The following PCBP3 variants were observed in gnomAD, a reference collection of about 807,000 sequenced individuals.
PCBP3 encodes the protein poly(rC) binding protein 3.
PCBP3 carries 25 observed loss-of-function variants against 52.7 expected under a neutral mutation model. That is an observed-to-expected ratio of 0.47 (90% CI 0.35 to 0.66). The LOEUF is 0.66. Among genes scored for constraint, PCBP3 ranks in the 30% least tolerant of loss-of-function variants. The pLI, the probability that PCBP3 is intolerant of heterozygous loss-of-function variation, is 0.01. For missense variants in PCBP3, 391 were observed against 490.3 expected, an observed-to-expected ratio of 0.80 and a Z score of 1.91; for synonymous variants, 162 against 183.0, an observed-to-expected ratio of 0.89 and a Z score of 0.93.
rs1215455877 is a variant in PCBP3, at chr21:45,735,787, C to T, written c.-162+358C>T. Among the ~76,000 whole-genome samples the T allele has an allele frequency of 6.6e-6, 1 of 152,192 alleles. No homozygotes were observed. The highest frequency in any genetic ancestry group is 2.4e-5 in the African/African-American group (1 of 41,466). On this transcript the variant is annotated intron_variant, in intron 3 of 17. Coordinates refer to ENST00000681687, the MANE Select transcript of PCBP3 (RefSeq NM_001384156.1). The surrounding 1 kb of genome is among the most constrained non-coding windows in gnomAD (Gnocchi z 4.0). The stretch of plus-strand genomic sequence containing the variant: ...GAGCCTACTGCACGAGCCTACCGCA[C>T]AAGCCTACCGCACGCCTTTGTTCTT...
At chr21:45,826,697 CCTGGGT>C (rs1479977794) in intron 4 of PCBP3, among the ~76,000 whole-genome samples, 1 of 152,174 alleles carries the variant, frequency 6.6e-6, no homozygotes. Context: ...TGGTGAGTTC[CCTGGGT>C]CATTTGTTCC....
rs529646662 is a variant in PCBP3, at chr21:45,657,947, T to G, written c.-278-10927T>G. 9.4e-4 allele frequency among the ~76,000 whole-genome samples: 143 copies of G among 152,352 alleles called. 2 individuals carry two copies. The highest frequency in any genetic ancestry group is 3.4e-3 in the Middle Eastern group (1 of 294). ...CCTGGTTATAAGCTTTAACACAATG[T>G]TTAATTGTTGTGGCAAGGGTGGACA... is the stretch of plus-strand genomic sequence containing the variant. On this transcript the variant is annotated intron_variant, in intron 1 of 17. Coordinates refer to ENST00000681687, the MANE Select transcript of PCBP3 (RefSeq NM_001384156.1).
At chr21:45,871,021 G>T (rs968050498) in intron 5 of PCBP3, 4 of 169,846 alleles carry the variant, frequency 2.4e-5, no homozygotes, top group South Asian at 1.2e-4. Context: ...CCCAGCACCC[G>T]CTGGGGAAGG....
chr21:45,843,801 G>A (rs906915451), intron 4 of PCBP3, among the ~76,000 whole-genome samples: 3 of 152,086 alleles, frequency 2.0e-5, no homozygotes, highest in Non-Finnish European at 4.4e-5. Context: ...TTTTTGTTTT[G>A]TTCTCTGAGA....
intron 1 of PCBP3, among the ~76,000 whole-genome samples, chr21:45,648,159 G>A (rs2146750068): frequency 1.3e-5 from 2 of 152,304 alleles, no homozygotes; most frequent in African/African-American, 4.8e-5. Context: ...TGTCTGACTT[G>A]TGACCTCCAA....
At chr21:45,876,266 C>A (rs561235135) in intron 5 of PCBP3, among the ~76,000 whole-genome samples, 1 of 152,192 alleles carries the variant, frequency 6.6e-6, no homozygotes, top group South Asian at 2.1e-4. Context: ...AGAGATATTA[C>A]GAATCCCGAA....
At chr21:45,854,385 C>A in intron 5 of PCBP3, among the ~76,000 whole-genome samples, 1 of 152,180 alleles carries the variant, frequency 6.6e-6, no homozygotes, top group South Asian at 2.1e-4. Context: ...ACTTTCTCAA[C>A]TTTTTGAACT....
intron 13 of PCBP3, among the ~76,000 whole-genome samples, chr21:45,923,613 G>C (rs1402055064): frequency 6.6e-6 from 1 of 152,228 alleles, no homozygotes; most frequent in Non-Finnish European, 1.5e-5. Flanking sequence ...CACTAGTCAG[G>C]AGGCCTGAGA....
chr21:45,899,399 G>T (rs1391621806), intron 6 of PCBP3, among the ~76,000 whole-genome samples, 200 bp from the exon 7 acceptor site: 1 of 152,200 alleles, frequency 6.6e-6, no homozygotes, highest in Admixed American at 6.5e-5. Flanking sequence ...CCGGCTCAGG[G>T]CCTCTGTATG....
At chr21:45,812,320 T>A (rs1330585256) in intron 4 of PCBP3, among the ~76,000 whole-genome samples, 1 of 152,246 alleles carries the variant, frequency 6.6e-6, no homozygotes, top group African/African-American at 2.4e-5. Flanking sequence ...TACTGTTTTC[T>A]GTTTTTGACA....
rs79307083 is a variant in PCBP3, at chr21:45,866,082, A to G, written c.10+15987A>G. Among the ~76,000 whole-genome samples the G allele has an allele frequency of 2.7e-3, 411 of 152,348 alleles. 2 individuals carry two copies. Among genetic ancestry groups the G allele is most frequent in the African/African-American group, 7.1e-3 (296 of 41,580 alleles). On this transcript the variant is annotated intron_variant, in intron 5 of 17. Transcript: ENST00000681687. ...TCCAAGCATGGGCTGCGGTGTTTCAATGAAATAGGACAAGTCAGTGGCTCT... is the reference window on the plus strand; with the variant it reads ...TCCAAGCATGGGCTGCGGTGTTTCAGTGAAATAGGACAAGTCAGTGGCTCT...
intron 1 of PCBP3, among the ~76,000 whole-genome samples, chr21:45,665,528 A>C (rs2080740393): frequency 6.6e-6 from 1 of 152,222 alleles, no homozygotes; most frequent in Non-Finnish European, 1.5e-5. Context: ...TAGGTACAAG[A>C]TCATATCCAA....
At position 45,846,069 on chromosome 21, in the gene PCBP3, G is replaced by C. The variant is rs993513511; in HGVS notation, c.-125-3892G>C. Among the ~76,000 whole-genome samples, 16 of 152,180 alleles carry C rather than the reference G, an allele frequency of 1.1e-4. 1 individual carries two copies. Among genetic ancestry groups the C allele is most frequent in the African/African-American group, 3.4e-4 (14 of 41,436 alleles). On this transcript the variant is annotated intron_variant, in intron 4 of 17. Transcript: ENST00000681687. ...TCTCGTTTGTATCCAGCTCCATCAG[G>C]GGCCTGCTCTCAGGCTCCCCTGGGC...
intron 1 of PCBP3, among the ~76,000 whole-genome samples, chr21:45,660,607 G>A (rs2080325857): frequency 6.6e-6 from 1 of 151,822 alleles, no homozygotes; most frequent in Non-Finnish European, 1.5e-5. Context: ...TTTTCTTAGG[G>A]GTTACTTGGG....
At chr21:45,669,815 A>G (rs1295604361) in intron 2 of PCBP3, among the ~76,000 whole-genome samples, 2,990 of 93,384 alleles carry the variant, frequency 0.032, 30 homozygotes, top group South Asian at 0.11. Flanking sequence ...GTATATATAT[A>G]TATATATATA....
chr21:45,684,861 G>A (rs1410255032), intron 2 of PCBP3, among the ~76,000 whole-genome samples: 1 of 152,204 alleles, frequency 6.6e-6, no homozygotes, highest in African/African-American at 2.4e-5. Flanking sequence ...AATGGGCAAT[G>A]CTACAGTTTA....
rs147010855 is a variant in PCBP3, at chr21:45,795,806, ATACTT to A, written c.-126+40355_-126+40359del. Among the ~76,000 whole-genome samples, 641 of 152,320 alleles carry A rather than the reference ATACTT, an allele frequency of 4.2e-3. 7 individuals are homozygous for A. The highest frequency in any genetic ancestry group is 0.015 in the African/African-American group (614 of 41,542). On this transcript the variant is annotated intron_variant, in intron 4 of 17. Transcript: ENST00000681687. ...TAAATTCTGAAAAAGAATCAATAAA[ATACTT>A]AAACTGTTAGCCACTTCGATCAAGA...
chr21:45,759,210 G>T (rs756478710), intron 4 of PCBP3, among the ~76,000 whole-genome samples: 7 of 152,068 alleles, frequency 4.6e-5, no homozygotes, highest in African/African-American at 9.7e-5. Context: ...CTCCTTTTCT[G>T]TTTTCAGGAG....
chr21:45,651,655 T>G (rs1424115051), intron 1 of PCBP3, among the ~76,000 whole-genome samples: 2 of 152,256 alleles, frequency 1.3e-5, no homozygotes, highest in African/African-American at 4.8e-5. Context: ...GACATTTATG[T>G]TGCTTTAAAA....
Sources: allele counts gnomAD v4.1 joint callset (sites outside exome capture counted in the v4.1 genomes callset), GRCh38; gene constraint gnomAD v4.1.1; non-coding constraint Gnocchi (gnomAD v3.1); transcripts MANE v1.5; gene names NCBI Gene and HGNC (gene_info 2026-07-23, HGNC 2026-07-21).